CDH18: variants seen among roughly 807,000 people sequenced by gnomAD.
The protein encoded by CDH18 is cadherin 18.
CDH18 carries 31 observed loss-of-function variants against 67.9 expected under a neutral mutation model. The observed-to-expected ratio is 0.46, with a 90% CI of 0.34 to 0.62. The LOEUF is 0.62. CDH18 is among the 20% of genes least tolerant of loss of function. The probability of loss-of-function intolerance (pLI) is 0.01; values close to 1 mark genes in which losing one functional copy is unlikely to be tolerated. For missense variants in CDH18, 890 were observed against 975.5 expected (o/e 0.91, Z 1.17); for synonymous variants, 362 against 347.2 (o/e 1.04, Z -0.48).
At chr5:19,605,777 T>C (rs1262035029) in intron 6 of CDH18, among the ~76,000 whole-genome samples, 4 of 152,066 alleles carry the variant, frequency 2.6e-5, no homozygotes, top group Non-Finnish European at 5.9e-5. Context: ...AAATATGTAG[T>C]GCTGGTTGAA....
chr5:19,614,784 T>C (rs1749544367), intron 5 of CDH18, among the ~76,000 whole-genome samples: 2 of 152,168 alleles, frequency 1.3e-5, no homozygotes, highest in Admixed American at 6.5e-5. Flanking sequence ...AATTTGCTCA[T>C]GGATAGAAAA....
intron 2 of CDH18, among the ~76,000 whole-genome samples, chr5:19,876,115 G>A (rs1786969035): frequency 6.6e-6 from 1 of 152,100 alleles, no homozygotes; most frequent in Non-Finnish European, 1.5e-5. Context: ...ACATTCAGGT[G>A]TGGTCCATAA....
intron 2 of CDH18, among the ~76,000 whole-genome samples, chr5:20,209,565 G>C (rs902328784): frequency 5.9e-5 from 9 of 151,280 alleles, no homozygotes; most frequent in Admixed American, 2.6e-4. Context: ...ATAATCAGTT[G>C]TTAGGTTAAC....
chr5:20,397,661 A>G (rs530059711), intron 1 of CDH18, among the ~76,000 whole-genome samples: 2 of 152,274 alleles, frequency 1.3e-5, no homozygotes, highest in South Asian at 4.1e-4. Flanking sequence ...CACATTTGTA[A>G]CGTTATATTT....
At chr5:19,704,345 C>T (rs927251694) in intron 5 of CDH18, among the ~76,000 whole-genome samples, 1 of 152,050 alleles carries the variant, frequency 6.6e-6, no homozygotes, top group Admixed American at 6.6e-5. Context: ...TTATATTTTG[C>T]TCTGTGAATG....
At chr5:19,893,832 G>A (rs1301697712) in intron 2 of CDH18, among the ~76,000 whole-genome samples, 1 of 152,048 alleles carries the variant, frequency 6.6e-6, no homozygotes, top group Non-Finnish European at 1.5e-5. Context: ...GATTTCCAGT[G>A]AAAACATATA....
intron 1 of CDH18, among the ~76,000 whole-genome samples, chr5:20,506,959 T>C (rs982591929): frequency 6.6e-6 from 1 of 152,198 alleles, no homozygotes. Context: ...ACTGAAAAGA[T>C]AGGCATCTTC....
chr5:20,031,957 C>A (rs941182967), intron 2 of CDH18, among the ~76,000 whole-genome samples: 1 of 151,900 alleles, frequency 6.6e-6, no homozygotes, highest in East Asian at 1.9e-4. Flanking sequence ...ACGGTGACAT[C>A]TGGGGAATGT....
At chr5:20,111,070 C>G (rs138732002) in intron 2 of CDH18, among the ~76,000 whole-genome samples, 1 of 152,196 alleles carries the variant, frequency 6.6e-6, no homozygotes, top group Non-Finnish European at 1.5e-5. Flanking sequence ...TTCAACTGCT[C>G]ATATACTAGG....
chr5:19,881,888 GTATTC>G (rs1787699048), intron 2 of CDH18, among the ~76,000 whole-genome samples: 1 of 151,960 alleles, frequency 6.6e-6, no homozygotes, highest in Non-Finnish European at 1.5e-5. Context: ...TGTTCATTCT[GTATTC>G]TATTATAACC....
intron 2 of CDH18, among the ~76,000 whole-genome samples, chr5:20,152,056 T>A (rs990777604): frequency 3.4e-5 from 5 of 148,846 alleles, no homozygotes; most frequent in Non-Finnish European, 3.0e-5. Flanking sequence ...TTGAGAACCT[T>A]TTTGGGTAAG....
intron 1 of CDH18, among the ~76,000 whole-genome samples, chr5:20,377,844 T>G (rs1743585478): frequency 1.3e-5 from 2 of 152,206 alleles, no homozygotes. Context: ...TTGATAAAGA[T>G]GCTATGACTC....
At position 20,336,724 on chromosome 5, in the gene CDH18, C is replaced by CA. The variant is rs59083214; in HGVS notation, c.-579-81220dup. Among the ~76,000 whole-genome samples, 71 of 63,472 alleles carry CA rather than the reference C, an allele frequency of 1.1e-3. 2 individuals carry two copies. Among genetic ancestry groups the CA allele is most frequent in the African/African-American group, 4.1e-3 (59 of 14,398 alleles). The allele number at this position is 63,472 out of a possible 152,430, so 41.6% of individuals were successfully genotyped here. A position where few individuals can be genotyped will look rare whatever the true frequency, so the allele number is the denominator to read the frequency against. ...GGCAACAGAGAGGGAGCCTCTGTCT[C>CA]AAAAAAAAAAAAAAAAAAAAAAAAA... On this transcript the variant is annotated intron_variant, in intron 1 of 14. Coordinates refer to the CDH18 transcript ENST00000507958.
intron 2 of CDH18, among the ~76,000 whole-genome samples, chr5:20,124,195 C>T (rs1016118394): frequency 5.3e-5 from 8 of 152,194 alleles, no homozygotes; most frequent in Non-Finnish European, 1.2e-4. Context: ...AAAGAAGAAA[C>T]ATTTTTGTTT....
At chr5:20,450,524 A>G (rs571667480) in intron 1 of CDH18, among the ~76,000 whole-genome samples, 1 of 152,286 alleles carries the variant, frequency 6.6e-6, no homozygotes, top group South Asian at 2.1e-4. Flanking sequence ...TACCAATGCA[A>G]AAATAAAAGA....
At chr5:19,672,384 G>T (rs1291607992) in intron 5 of CDH18, among the ~76,000 whole-genome samples, 1 of 152,052 alleles carries the variant, frequency 6.6e-6, no homozygotes, top group East Asian at 1.9e-4. Context: ...ACTTAGAAAA[G>T]GACTTAGTAA....
At chr5:20,056,340 A>G (rs1296893427) in intron 2 of CDH18, among the ~76,000 whole-genome samples, 10 of 149,472 alleles carry the variant, frequency 6.7e-5, no homozygotes, top group Non-Finnish European at 1.0e-4. Context: ...ACATTTTCAA[A>G]AAAAAAAAAA....
rs529437733 is a variant in CDH18, at chr5:19,829,019, C to A, written c.228+9740G>T. ...TGCCATTGCACTCTAGCCTAGGTGA[C>A]ACAGTAAGACTCCCTCTCAAAAATA... On this transcript the variant is annotated intron_variant, in intron 3 of 12. Transcript: ENST00000382275. Among the ~76,000 whole-genome samples, 14 of 152,218 alleles carry A rather than the reference C, an allele frequency of 9.2e-5. No individual in the cohort carries two copies. In the South Asian group the frequency reaches 2.1e-3, roughly 23 times the overall value.
chr5:20,311,246 C>T (rs1580724890), intron 1 of CDH18, among the ~76,000 whole-genome samples: 1 of 152,210 alleles, frequency 6.6e-6, no homozygotes, highest in East Asian at 1.9e-4. Flanking sequence ...GGCGATTTCT[C>T]CAGCGTCTAG....
Sources: gnomAD v4.1 joint callset for allele counts (sites outside exome capture counted in the v4.1 genomes callset) on GRCh38, gnomAD v4.1.1 for gene constraint, MANE v1.5 for transcripts, NCBI Gene and HGNC (gene_info 2026-07-23, HGNC 2026-07-21) for gene names.